IFT56: variants seen among roughly 807,000 people sequenced by gnomAD.
The protein encoded by IFT56 is intraflagellar transport 56.
chr7:139,173,099 G>C, the IFT56 span: 6 of 724,098 alleles, frequency 8.3e-6, no homozygotes, highest in South Asian at 9.0e-5. Flanking sequence ...CTAATGGTTG[G>C]CTGACTCTCT....
At chr7:139,149,537 A>G in the IFT56 span, among the ~76,000 whole-genome samples, 26 of 152,140 alleles carry the variant, frequency 1.7e-4, no homozygotes, top group African/African-American at 6.3e-4. Flanking sequence ...TTTGTTCCAC[A>G]TGCCATGCTC....
At chr7:139,165,329 T>A in the IFT56 span, 1 of 785,260 alleles carries the variant, frequency 1.3e-6, no homozygotes, top group South Asian at 2.0e-5. Flanking sequence ...TTTAAATCCA[T>A]ACTTCCAAAA....
At chr7:139,166,511 A>G in the IFT56 span, among the ~76,000 whole-genome samples, 38 of 137,626 alleles carry the variant, frequency 2.8e-4, no homozygotes, top group Admixed American at 2.9e-4. Flanking sequence ...TAATTCCTAT[A>G]TACTTAATAT....
At chr7:139,184,845 G>A in the IFT56 span, among the ~76,000 whole-genome samples, 1 of 150,450 alleles carries the variant, frequency 6.6e-6, no homozygotes. Context: ...ACAAGGTCAG[G>A]AGATCGAGAC....
the IFT56 span, among the ~76,000 whole-genome samples, chr7:139,176,101 G>A: frequency 2.0e-5 from 3 of 151,904 alleles, no homozygotes; most frequent in African/African-American, 7.3e-5. Flanking sequence ...TTACAGGCAT[G>A]AGCCACCGCA....
chr7:139,155,565 C>G, the IFT56 span, among the ~76,000 whole-genome samples: 2 of 152,032 alleles, frequency 1.3e-5, no homozygotes, highest in Non-Finnish European at 2.9e-5. Context: ...GGGTTTTATT[C>G]TATTGATATG....
At chr7:139,169,401 C>A in the IFT56 span, 1 of 1,521,610 alleles carries the variant, frequency 6.6e-7, no homozygotes, top group Non-Finnish European at 9.1e-7. Context: ...TGGAGTGGGG[C>A]ATATATTGAC....
the IFT56 span, among the ~76,000 whole-genome samples, chr7:139,145,868 A>G: frequency 6.6e-6 from 1 of 152,174 alleles, no homozygotes. Flanking sequence ...TCTGATTACA[A>G]AAATAATACA....
chr7:139,139,103 C>T, the IFT56 span, among the ~76,000 whole-genome samples: 3 of 152,262 alleles, frequency 2.0e-5, no homozygotes, highest in South Asian at 2.1e-4. Flanking sequence ...TGAGCCACTG[C>T]GCCCAGCCAC....
At chr7:139,187,171 T>TGA in the IFT56 span, among the ~76,000 whole-genome samples, 1 of 151,698 alleles carries the variant, frequency 6.6e-6, no homozygotes, top group Non-Finnish European at 1.5e-5. Flanking sequence ...AATGTTATAC[T>TGA]GTTGAAAACT....
the IFT56 span, chr7:139,169,247 T>G: frequency 6.5e-7 from 1 of 1,530,632 alleles, no homozygotes; most frequent in Non-Finnish European, 9.0e-7. Flanking sequence ...AAATAAAATA[T>G]TTTTACCTTA....
chr7:139,165,865 A>G, the IFT56 span, among the ~76,000 whole-genome samples: 2 of 152,176 alleles, frequency 1.3e-5, no homozygotes, highest in Admixed American at 6.5e-5. Flanking sequence ...GCAGAAACCA[A>G]CCAGGACAAC....
the IFT56 span, among the ~76,000 whole-genome samples, chr7:139,169,838 C>T: frequency 6.6e-6 from 1 of 151,944 alleles, no homozygotes; most frequent in Non-Finnish European, 1.5e-5. Flanking sequence ...TAGGAAGACC[C>T]CATCTCTATA....
chr7:139,138,568 A>G, the IFT56 span, among the ~76,000 whole-genome samples: 1 of 152,192 alleles, frequency 6.6e-6, no homozygotes, highest in South Asian at 2.1e-4. Context: ...GAGATTGTAC[A>G]ACATATTGGT....
At chr7:139,137,099 G>T in the IFT56 span, among the ~76,000 whole-genome samples, 2 of 151,938 alleles carry the variant, frequency 1.3e-5, no homozygotes, top group Admixed American at 6.6e-5. Flanking sequence ...ATAAATATGT[G>T]TTGGCTCACT....
At chr7:139,187,906 G>GT in the IFT56 span, among the ~76,000 whole-genome samples, 4 of 149,948 alleles carry the variant, frequency 2.7e-5, no homozygotes, top group African/African-American at 7.4e-5. Context: ...TTTTTTGTTT[G>GT]TTTTTTGTTT....
the IFT56 span, among the ~76,000 whole-genome samples, chr7:139,188,510 T>C: frequency 6.6e-6 from 1 of 152,258 alleles, no homozygotes; most frequent in African/African-American, 2.4e-5. Context: ...GTGTTAATTT[T>C]GTAAGAAAAT....
At chr7:139,141,896 C>T in the IFT56 span, among the ~76,000 whole-genome samples, 2 of 152,172 alleles carry the variant, frequency 1.3e-5, no homozygotes, top group Admixed American at 1.3e-4. Flanking sequence ...CAGATTCATA[C>T]ACACATTGAG....
the IFT56 span, among the ~76,000 whole-genome samples, chr7:139,158,380 G>T: frequency 2.7e-5 from 4 of 149,704 alleles, no homozygotes; most frequent in Middle Eastern, 3.4e-3. Context: ...CAAAGGAAAA[G>T]CTTTTGATGA....
Sources: allele counts gnomAD v4.1 joint callset (sites outside exome capture counted in the v4.1 genomes callset), GRCh38; gene constraint gnomAD v4.1.1; transcripts MANE v1.5; gene names NCBI Gene and HGNC (gene_info 2026-07-23, HGNC 2026-07-21).